MYOZ2: variants seen among roughly 807,000 people sequenced by gnomAD.
MYOZ2 encodes the protein myozenin-2.
MYOZ2 carries 19 observed loss-of-function variants against 25.4 expected under a neutral mutation model. The ratio of observed to expected loss-of-function variants is 0.75; its 90% CI spans 0.52 to 1.10. The LOEUF is 1.10. MYOZ2 is among the 50% of genes least tolerant of loss of function. The pLI, the probability that MYOZ2 is intolerant of heterozygous loss-of-function variation, is 0.00. For missense variants in MYOZ2, 270 were observed against 317.9 expected, an observed-to-expected ratio of 0.85 and a Z score of 1.15; for synonymous variants, 92 against 106.9, an observed-to-expected ratio of 0.86 and a Z score of 0.86.
chr4:119,138,246 C>G (rs1025974674), intron 2 of MYOZ2, among the ~76,000 whole-genome samples: 1 of 152,098 alleles, frequency 6.6e-6, no homozygotes, highest in African/African-American at 2.4e-5. Flanking sequence ...GTACCAGCTC[C>G]CTTAAGAGGA....
At chr4:119,136,333 C>T (rs190795821) in intron 1 of MYOZ2, among the ~76,000 whole-genome samples, 179 bp from the exon 2 acceptor site, 18 of 152,260 alleles carry the variant, frequency 1.2e-4, no homozygotes, top group Non-Finnish European at 1.8e-4. Flanking sequence ...TGTGACATTG[C>T]CTGTCAATGA....
rs114160337 is a variant in MYOZ2, at chr4:119,156,498, G to A, written c.247-1524G>A. ...ATGATGAGTTTGCAATTAGGCATGCGATGTTTAAAGTTGTAAAAATGTTTA... is the reference window on the plus strand; with the variant it reads ...ATGATGAGTTTGCAATTAGGCATGCAATGTTTAAAGTTGTAAAAATGTTTA... On this transcript the variant is annotated intron_variant, in intron 3 of 5. Transcript: ENST00000307128. Among the ~76,000 whole-genome samples, 191 of 152,096 alleles carry A rather than the reference G, an allele frequency of 1.3e-3. 1 individual carries two copies. The highest frequency in any genetic ancestry group is 4.4e-3 in the African/African-American group (181 of 41,490).
chr4:119,175,751 T>TAA (rs557358945), intron 5 of MYOZ2, among the ~76,000 whole-genome samples: 2 of 143,016 alleles, frequency 1.4e-5, no homozygotes, highest in Admixed American at 7.0e-5. Context: ...GGCTCCATCT[T>TAA]AAAAAAAAAA....
At chr4:119,175,858 GTTTC>G (rs977879887) in intron 5 of MYOZ2, among the ~76,000 whole-genome samples, 3 of 152,052 alleles carry the variant, frequency 2.0e-5, no homozygotes, top group Admixed American at 6.5e-5. Context: ...ATCCTCTGCT[GTTTC>G]TTTCTTCAAA....
Position 119,173,747 on chromosome 4 carries a change from C to T in MYOZ2, c.560+9353C>T, listed in dbSNP as rs149265416. Among the ~76,000 whole-genome samples the T allele has an allele frequency of 1.8e-3, 269 of 152,312 alleles. 2 individuals are homozygous for T. The East Asian group carries it at 0.026, about 14-fold the overall frequency. On this transcript the variant is annotated intron_variant, in intron 5 of 5. Transcript: ENST00000307128. Reference sequence around the variant, plus strand: ...CCCTTTCTGGGCTGGACAAGGCCGGCGCCCACTCCCTCACCTCAGCTTGCA... The same window carrying T: ...CCCTTTCTGGGCTGGACAAGGCCGGTGCCCACTCCCTCACCTCAGCTTGCA...
chr4:119,179,682 T>A (rs1742148860), intron 5 of MYOZ2, among the ~76,000 whole-genome samples: 1 of 152,222 alleles, frequency 6.6e-6, no homozygotes, highest in South Asian at 2.1e-4. Context: ...GGATAATTCA[T>A]AAAGAACAGA....
rs200111377 is a variant in MYOZ2 at position 119,145,506 on chromosome 4, C to CTGTGTGTGTGTG, written c.77-5334_77-5323dup. Among the ~76,000 whole-genome samples, 14 of 128,230 alleles carry CTGTGTGTGTGTG rather than the reference C, an allele frequency of 1.1e-4. No homozygotes were observed. In the South Asian group the frequency reaches 1.1e-3, roughly 10 times the overall value. 84.1% of individuals were successfully genotyped at this position (128,230 alleles called of 152,430 possible). On this transcript the variant is annotated intron_variant, in intron 2 of 5. Transcript: ENST00000307128. ...AACCCACCACCATGCCCAGCTAAAA[C>CTGTGTGTGTGTG]TGTGTGTGTGTGTGTGTGTGTGTGT...
chr4:119,137,105 A>T (rs1741048118), intron 2 of MYOZ2, among the ~76,000 whole-genome samples: 1 of 152,034 alleles, frequency 6.6e-6, no homozygotes, highest in Non-Finnish European at 1.5e-5. Flanking sequence ...AACCCTTCAT[A>T]TTTGTTAATT....
At chr4:119,164,783 T>C (rs1741785009) in intron 5 of MYOZ2, among the ~76,000 whole-genome samples, 2 of 152,254 alleles carry the variant, frequency 1.3e-5, no homozygotes, top group South Asian at 4.1e-4. Flanking sequence ...GCTATGAGAA[T>C]TACTGTGTAA....
chr4:119,144,672 T>A (rs1741246819), intron 2 of MYOZ2, among the ~76,000 whole-genome samples: 1 of 152,230 alleles, frequency 6.6e-6, no homozygotes, highest in Admixed American at 6.5e-5. Flanking sequence ...TCATTGTGAT[T>A]TTAATTTGCA....
chr4:119,184,241 T>C (rs1452087809), intron 5 of MYOZ2, among the ~76,000 whole-genome samples: 1 of 152,214 alleles, frequency 6.6e-6, no homozygotes, highest in Non-Finnish European at 1.5e-5. Context: ...GAAATCCATA[T>C]TCCTTATTTA....
chr4:119,142,730 A>T (rs1180560253), intron 2 of MYOZ2, among the ~76,000 whole-genome samples: 2 of 152,248 alleles, frequency 1.3e-5, no homozygotes, highest in Non-Finnish European at 2.9e-5. Flanking sequence ...AAAAATTTTT[A>T]AACATTTTAA....
At chr4:119,167,336 G>T (rs1024616417) in intron 5 of MYOZ2, among the ~76,000 whole-genome samples, 3 of 152,196 alleles carry the variant, frequency 2.0e-5, no homozygotes, top group Admixed American at 6.5e-5. Flanking sequence ...CCAGAGCAAG[G>T]CCCTAACTTT....
At chr4:119,138,034 G>T (rs951457757) in intron 2 of MYOZ2, among the ~76,000 whole-genome samples, 4 of 152,020 alleles carry the variant, frequency 2.6e-5, no homozygotes, top group Non-Finnish European at 4.4e-5. Context: ...TCTACTGTTA[G>T]CTCTGACATA....
intron 3 of MYOZ2, among the ~76,000 whole-genome samples, chr4:119,151,292 C>T (rs746503779): frequency 5.3e-5 from 8 of 152,006 alleles, no homozygotes; most frequent in Admixed American, 2.0e-4. Flanking sequence ...CTTGTCTGTT[C>T]CACTAAGAGG....
intron 3 of MYOZ2, among the ~76,000 whole-genome samples, chr4:119,153,441 A>G (rs912778658): frequency 6.6e-6 from 1 of 152,130 alleles, no homozygotes; most frequent in South Asian, 2.1e-4. Flanking sequence ...TGATAGAGAG[A>G]CCAAATGACA....
At chr4:119,166,985 T>A (rs1429658782) in intron 5 of MYOZ2, among the ~76,000 whole-genome samples, 1 of 152,168 alleles carries the variant, frequency 6.6e-6, no homozygotes, top group East Asian at 1.9e-4. Flanking sequence ...CACAACAATA[T>A]TGAAATTAAG....
At chr4:119,138,649 A>G (rs891093868) in intron 2 of MYOZ2, among the ~76,000 whole-genome samples, 11 of 152,188 alleles carry the variant, frequency 7.2e-5, no homozygotes, top group Non-Finnish European at 1.5e-4. Context: ...TCCTTTATAA[A>G]GATAAATTGA....
At chr4:119,179,810 T>C (rs942159348) in intron 5 of MYOZ2, among the ~76,000 whole-genome samples, 28 of 152,340 alleles carry the variant, frequency 1.8e-4, no homozygotes, top group African/African-American at 6.5e-4. Flanking sequence ...GAACACTGTG[T>C]TCTCACATGA....
Sources: gnomAD v4.1 joint callset for allele counts (sites outside exome capture counted in the v4.1 genomes callset) on GRCh38, gnomAD v4.1.1 for gene constraint, MANE v1.5 for transcripts, NCBI Gene and HGNC (gene_info 2026-07-23, HGNC 2026-07-21) for gene names.